Variants in ARID1B observed in about 807,000 individuals in gnomAD.
ARID1B encodes the protein AT-rich interactive domain-containing protein 1B.
ARID1B carries 30 observed loss-of-function variants against 212.3 expected under a neutral mutation model. The ratio of observed to expected loss-of-function variants is 0.14; its 90% CI spans 0.11 to 0.19. The LOEUF (loss-of-function observed/expected upper bound fraction) is 0.19. ARID1B is among the 10% of genes least tolerant of loss of function. The probability of loss-of-function intolerance (pLI) is 1.00; values close to 1 mark genes in which losing one functional copy is unlikely to be tolerated. For synonymous variants in ARID1B, 1,402 were observed against 1,301.7 expected, an observed-to-expected ratio of 1.08 and a Z score of -1.66; for missense variants, 2,891 against 3,204.0, an observed-to-expected ratio of 0.90 and a Z score of 2.36.
At chr6:156,877,412 C>T (rs1387154895) in intron 2 of ARID1B, among the ~76,000 whole-genome samples, 7 of 152,118 alleles carry the variant, frequency 4.6e-5, no homozygotes, top group East Asian at 1.9e-4. Flanking sequence ...CCTGTGGACC[C>T]GCACTCCTTC....
chr6:156,991,266 T>C (rs1778260604), intron 4 of ARID1B, among the ~76,000 whole-genome samples: 1 of 152,228 alleles, frequency 6.6e-6, no homozygotes, highest in Non-Finnish European at 1.5e-5. Context: ...AGTTTCTCTC[T>C]GTCGCCCAAG....
chr6:157,118,595 C>T lies in ARID1B; in HGVS notation c.2581+8034C>T, dbSNP rs12660113. Among the ~76,000 whole-genome samples the T allele has an allele frequency of 9.5e-4, 144 of 152,302 alleles. 3 individuals carry two copies. The East Asian group carries it at 0.022, about 23-fold the overall frequency. On this transcript the variant is annotated intron_variant, in intron 6 of 19. Coordinates refer to ENST00000636930, the MANE Select transcript of ARID1B (RefSeq NM_001374828.1). ...TATACAAAAGAGAATATCTAGACAC[C>T]ACTCTGGAAAGCTGCTTCTAATTTC...
In ARID1B at chr6:157,196,334, G is replaced by T; in HGVS notation, c.4382+19G>T. ...ACCGAAGGTGAGTATTTTTTAAGAT[G>T]ACAATATGATGATTTACTAGAAACC... On this transcript the variant is annotated intron_variant, in intron 16 of 19. Transcript: ENST00000636930. 1 of 1,582,288 alleles carries T rather than the reference G, an allele frequency of 6.3e-7. No homozygotes were observed. The highest frequency in any genetic ancestry group is 1.2e-5 in the South Asian group (1 of 85,512).
intron 4 of ARID1B, among the ~76,000 whole-genome samples, chr6:157,060,632 T>A (rs966319772): frequency 2.8e-5 from 2 of 72,402 alleles, no homozygotes; most frequent in Non-Finnish European, 6.5e-5. Flanking sequence ...AATCTGAACT[T>A]TTTTTTTTTT....
chr6:157,196,668 A>G (rs1482636529), intron 16 of ARID1B, among the ~76,000 whole-genome samples: 3 of 152,074 alleles, frequency 2.0e-5, no homozygotes, highest in Admixed American at 6.5e-5. Flanking sequence ...GAGCTCCTGG[A>G]TGCCTGGGCC....
At position 157,203,959 on chromosome 6, in the gene ARID1B, A is replaced by G; in HGVS notation, c.5357A>G (p.Tyr1786Cys). ...TTGGACACTATTAATATTCTTCTGTATGATGACAGCACTGTTGCTACTTTC... is the reference window on the plus strand; with the variant it reads ...TTGGACACTATTAATATTCTTCTGTGTGATGACAGCACTGTTGCTACTTTC... ...WALDTINILL[Y>C]DDSTVATFNL... Residue 1786 changes from tyrosine (Y) to cysteine (C), a missense_variant, in exon 19 of 20, where the codon TAT becomes TGT. This residue lies in a region of ARID1B where 332 missense variants were observed against 369.2 expected (regional missense o/e 0.90). Coordinates refer to ENST00000636930, the MANE Select transcript of ARID1B (RefSeq NM_001374828.1). The surrounding 1 kb of genome is among the most constrained non-coding windows in gnomAD (Gnocchi z 4.4). The G allele has an allele frequency of 6.2e-7, 1 of 1,614,162 alleles. No homozygotes were observed. Among genetic ancestry groups the G allele is most frequent in the Non-Finnish European group, 8.5e-7 (1 of 1,179,988 alleles).
intron 1 of ARID1B, among the ~76,000 whole-genome samples, chr6:156,817,933 C>A (rs2128003831): frequency 6.6e-6 from 1 of 152,124 alleles, no homozygotes; most frequent in African/African-American, 2.4e-5. Flanking sequence ...CTTACACACA[C>A]CTCAGTGCAG....
At chr6:156,851,521 T>C (rs1299275975) in intron 2 of ARID1B, among the ~76,000 whole-genome samples, 1 of 152,224 alleles carries the variant, frequency 6.6e-6, no homozygotes, top group Non-Finnish European at 1.5e-5. Flanking sequence ...TTCTTGAAGC[T>C]GGAACTGTCC....
chr6:157,011,869 A>G (rs1343569399), intron 4 of ARID1B, among the ~76,000 whole-genome samples: 1 of 152,220 alleles, frequency 6.6e-6, no homozygotes, highest in African/African-American at 2.4e-5. Flanking sequence ...CAGGAAGCAT[A>G]CTGCATTCCA....
chr6:157,028,509 A>T (rs1780810168), intron 4 of ARID1B, among the ~76,000 whole-genome samples: 2 of 152,174 alleles, frequency 1.3e-5, no homozygotes, highest in African/African-American at 4.8e-5. Context: ...ATACATACAC[A>T]TGTGTTGCAT....
chr6:157,161,094 G>A (rs1178776378), intron 8 of ARID1B, among the ~76,000 whole-genome samples: 1 of 152,220 alleles, frequency 6.6e-6, no homozygotes, highest in Admixed American at 6.5e-5. Flanking sequence ...CAACAAAGCA[G>A]TAGGTATTTC....
intron 8 of ARID1B, among the ~76,000 whole-genome samples, chr6:157,162,063 G>A (rs1444399426): frequency 6.6e-6 from 1 of 152,146 alleles, no homozygotes; most frequent in Non-Finnish European, 1.5e-5. Context: ...TCTTCTGTCT[G>A]TCCCTACCCT....
At chr6:157,194,795 C>T (rs1316413948) in intron 15 of ARID1B, 1 of 152,178 alleles carries the variant, frequency 6.6e-6, no homozygotes. Context: ...ACAACCATTT[C>T]ATGAGATAAT....
intron 5 of ARID1B, among the ~76,000 whole-genome samples, chr6:157,108,370 C>A (rs1786641677): frequency 6.6e-6 from 1 of 152,132 alleles, no homozygotes; most frequent in South Asian, 2.1e-4. Context: ...ACTGTCTAAG[C>A]CACGGTGCCC....
At chr6:157,088,441 T>C (rs1255547819) in intron 5 of ARID1B, among the ~76,000 whole-genome samples, 1 of 152,220 alleles carries the variant, frequency 6.6e-6, no homozygotes, top group East Asian at 1.9e-4. Context: ...GACAGGTTTT[T>C]GTTGGGGAAA....
At chr6:156,786,779 G>A (rs1779662108) in intron 1 of ARID1B, among the ~76,000 whole-genome samples, 1 of 152,168 alleles carries the variant, frequency 6.6e-6, no homozygotes, top group Admixed American at 6.5e-5. Context: ...GACAATAGCT[G>A]GGGTCTGGGG....
rs577049039 is a variant in ARID1B at position 156,824,989 on chromosome 6, T to C, written c.1792-4238T>C. Among the ~76,000 whole-genome samples, 69 of 152,036 alleles carry C rather than the reference T, an allele frequency of 4.5e-4. No homozygotes were observed. The East Asian group carries it at 0.013, about 29-fold the overall frequency. On this transcript the variant is annotated intron_variant, in intron 1 of 19. Transcript: ENST00000636930. ...AAGCAGTTCTCCTGCCTCAGCCTTCTGAGTAGCTGGGATTACAGGTGCCCG... is the reference window on the plus strand; with the variant it reads ...AAGCAGTTCTCCTGCCTCAGCCTTCCGAGTAGCTGGGATTACAGGTGCCCG...
At chr6:157,053,286 C>T (rs1448661005) in intron 4 of ARID1B, among the ~76,000 whole-genome samples, 2 of 152,192 alleles carry the variant, frequency 1.3e-5, no homozygotes, top group Admixed American at 6.5e-5. Flanking sequence ...ATGGTTTCAC[C>T]GTGTTGCCAG....
In ARID1B at chr6:156,809,715, A is replaced by G. The variant is rs1035380958; in HGVS notation, c.1792-19512A>G. 9.5e-4 allele frequency among the ~76,000 whole-genome samples: 107 copies of G among 113,068 alleles called. 1 individual carries two copies. The highest frequency in any genetic ancestry group is 2.4e-3 in the African/African-American group (75 of 31,804). The allele number at this position is 113,068 out of a possible 152,430, so 74.2% of individuals were successfully genotyped here. A position where few individuals can be genotyped will look rare whatever the true frequency, so the allele number is the denominator to read the frequency against. On this transcript the variant is annotated intron_variant, in intron 1 of 19. Coordinates refer to ENST00000636930, the MANE Select transcript of ARID1B (RefSeq NM_001374828.1). Reference sequence around the variant, plus strand: ...TGTGAAGATTTGCCTTTTTCAAAGAAAAAAAAAAAAAAAAAAAAAGGACTC... The same window carrying G: ...TGTGAAGATTTGCCTTTTTCAAAGAGAAAAAAAAAAAAAAAAAAAGGACTC...
Sources: gnomAD v4.1 joint callset for allele counts (sites outside exome capture counted in the v4.1 genomes callset) on GRCh38, gnomAD v4.1.1 for gene constraint, gnomAD v4.1.1 regional missense constraint, Gnocchi (gnomAD v3.1) non-coding constraint, MANE v1.5 for transcripts, NCBI Gene and HGNC (gene_info 2026-07-23, HGNC 2026-07-21) for gene names.